Variants in USH2A observed in about 807,000 individuals in gnomAD.
The protein encoded by USH2A is Usher syndrome 2A (autosomal recessive, mild).
USH2A carries 443 observed loss-of-function variants against 538.9 expected under a neutral mutation model. The ratio of observed to expected loss-of-function variants is 0.82; its 90% CI spans 0.76 to 0.89. USH2A has a LOEUF of 0.89. Ranked by LOEUF, USH2A falls within the 40% of genes least tolerant of loss-of-function variation. The pLI, the probability that USH2A is intolerant of heterozygous loss-of-function variation, is 0.00. For synonymous variants in USH2A, 2,413 were observed against 2,273.5 expected (o/e 1.06, Z -1.75); for missense variants, 6,633 against 6,324.8 (o/e 1.05, Z -1.65).
chr1:215,857,159 C>T (rs1664192883), intron 44 of USH2A, among the ~76,000 whole-genome samples: 1 of 151,846 alleles, frequency 6.6e-6, no homozygotes, highest in African/African-American at 2.4e-5. Flanking sequence ...TGAAAAATCA[C>T]CACTAAAGAA....
At chr1:216,156,508 T>C (rs116528675) in intron 21 of USH2A, among the ~76,000 whole-genome samples, 2,034 of 152,028 alleles carry the variant, frequency 0.013, 41 homozygotes, top group African/African-American at 0.047. Flanking sequence ...AGGTATATTT[T>C]GATGGACATT....
At chr1:216,084,660 A>G in intron 25 of USH2A, 38 bp downstream of exon 25, 1 of 1,605,988 alleles carries the variant, frequency 6.2e-7, no homozygotes, top group Non-Finnish European at 8.5e-7. Context: ...TAGAACATAG[A>G]TTTTAAGTGA....
intron 61 of USH2A, among the ~76,000 whole-genome samples, chr1:215,711,353 G>A (rs761458938): frequency 5.3e-5 from 8 of 152,132 alleles, no homozygotes; most frequent in Non-Finnish European, 1.2e-4. Flanking sequence ...TTGTAAAAAT[G>A]CAGCATCAAA....
intron 40 of USH2A, among the ~76,000 whole-genome samples, chr1:215,896,552 G>C (rs1270703258): frequency 1.3e-5 from 2 of 152,090 alleles, no homozygotes; most frequent in Admixed American, 1.3e-4. Flanking sequence ...GATTTCGGTA[G>C]GCAAAAGAAT....
intron 21 of USH2A, among the ~76,000 whole-genome samples, chr1:216,153,297 G>A (rs556887988): frequency 6.6e-6 from 1 of 152,290 alleles, no homozygotes; most frequent in African/African-American, 2.4e-5. Flanking sequence ...GGCTTTGGGA[G>A]TCACAAGCAC....
At chr1:216,370,648 A>G (rs989771646) in intron 3 of USH2A, among the ~76,000 whole-genome samples, 11 of 135,256 alleles carry the variant, frequency 8.1e-5, no homozygotes, top group African/African-American at 3.2e-4. Flanking sequence ...ACTGCACTCC[A>G]GCTTGGGGAA....
chr1:215,826,784 CA>C (rs1663168353), intron 47 of USH2A, among the ~76,000 whole-genome samples: 1 of 151,946 alleles, frequency 6.6e-6, no homozygotes. Context: ...TGGATTAAGA[CA>C]GCTCCATAAA....
At chr1:215,990,900 T>C (rs1303868755) in intron 35 of USH2A, among the ~76,000 whole-genome samples, 2 of 151,608 alleles carry the variant, frequency 1.3e-5, no homozygotes, top group East Asian at 3.9e-4. Flanking sequence ...TAGCTGGGAC[T>C]ACAGGCACCT....
intron 32 of USH2A, among the ~76,000 whole-genome samples, chr1:216,028,183 T>G (rs1333138165): frequency 6.6e-6 from 1 of 151,898 alleles, no homozygotes; most frequent in Non-Finnish European, 1.5e-5. Context: ...AGGTCAGGAG[T>G]TCGAGACCAG....
At chr1:216,382,296 T>G (rs929782025) in intron 3 of USH2A, among the ~76,000 whole-genome samples, 2 of 152,186 alleles carry the variant, frequency 1.3e-5, no homozygotes, top group Non-Finnish European at 2.9e-5. Flanking sequence ...CTGAAAATGT[T>G]GATGCCAAAT....
chr1:216,085,497 G>T, intron 24 of USH2A, among the ~76,000 whole-genome samples: 1 of 152,068 alleles, frequency 6.6e-6, no homozygotes, highest in South Asian at 2.1e-4. Context: ...CACTGAGGTC[G>T]AATTTCACAC....
chr1:215,819,340 A>G (rs550024511), intron 47 of USH2A, among the ~76,000 whole-genome samples: 1 of 151,942 alleles, frequency 6.6e-6, no homozygotes, highest in African/African-American at 2.4e-5. Context: ...TAGGAATTCA[A>G]TGAAGCCCAA....
At chr1:216,150,467 C>T (rs1403149593) in intron 21 of USH2A, among the ~76,000 whole-genome samples, 1 of 151,808 alleles carries the variant, frequency 6.6e-6, no homozygotes, top group East Asian at 1.9e-4. Flanking sequence ...GCTTCTAATC[C>T]CTCCTTAGCG....
intron 40 of USH2A, among the ~76,000 whole-genome samples, chr1:215,892,582 AC>A (rs1174330258): frequency 6.6e-6 from 1 of 152,114 alleles, no homozygotes; most frequent in African/African-American, 2.4e-5. Flanking sequence ...TATTATTTAT[AC>A]CCCAACTACT....
chr1:216,363,555 G>A (rs527463612), intron 4 of USH2A, among the ~76,000 whole-genome samples: 1 of 152,122 alleles, frequency 6.6e-6, no homozygotes, highest in East Asian at 1.9e-4. Flanking sequence ...GTATATGATT[G>A]ATAGATTGAT....
At chr1:216,086,022 T>C (rs1487524235) in intron 24 of USH2A, among the ~76,000 whole-genome samples, 2 of 152,144 alleles carry the variant, frequency 1.3e-5, no homozygotes, top group African/African-American at 4.8e-5. Flanking sequence ...GGAGGCACCC[T>C]GTGATTCTTA....
In USH2A at chr1:216,374,121, G is replaced by A. The variant is rs527802497; in HGVS notation, c.652-9036C>T. 3.1e-3 allele frequency among the ~76,000 whole-genome samples: 336 copies of A among 107,552 alleles called. 2 individuals are homozygous for A. The highest frequency in any genetic ancestry group is 0.011 in the African/African-American group (322 of 28,316). 70.6% of individuals were successfully genotyped at this position (107,552 alleles called of 152,430 possible). A position where few individuals can be genotyped will look rare whatever the true frequency, so the allele number is the denominator to read the frequency against. The stretch of plus-strand genomic sequence containing the variant: ...ACTTTTGTGGGGTGGGGGGAGGGGG[G>A]AGGGATAGCATTGAGAGATATACCT... On this transcript the variant is annotated intron_variant, in intron 3 of 71. Coordinates refer to ENST00000307340, the MANE Select transcript of USH2A (RefSeq NM_206933.4).
At chr1:216,200,205 A>T in intron 16 of USH2A, 84 bp from the exon 17 acceptor site, 1 of 1,358,664 alleles carries the variant, frequency 7.4e-7, no homozygotes. Context: ...CTATCATATT[A>T]TTTAATTACA....
chr1:215,829,867 G>C (rs1416907551), intron 47 of USH2A, among the ~76,000 whole-genome samples: 1 of 152,148 alleles, frequency 6.6e-6, no homozygotes, highest in Non-Finnish European at 1.5e-5. Context: ...TTCTGACTGG[G>C]GGGGAAAAGG....
Sources: gnomAD v4.1 joint callset for allele counts (sites outside exome capture counted in the v4.1 genomes callset) on GRCh38, gnomAD v4.1.1 for gene constraint, MANE v1.5 for transcripts, NCBI Gene and HGNC (gene_info 2026-07-23, HGNC 2026-07-21) for gene names.